The following FLRT2 variants were observed in gnomAD, a reference collection of about 807,000 sequenced individuals.
FLRT2 encodes the protein fibronectin leucine rich transmembrane protein 2, also known as leucine-rich repeat transmembrane protein FLRT2.
Under a neutral mutation model 40.0 loss-of-function variants are expected in FLRT2, and 15 were observed. The ratio of observed to expected loss-of-function variants is 0.38; its 90% CI spans 0.25 to 0.58. The LOEUF (loss-of-function observed/expected upper bound fraction) is 0.58, where lower values mean the gene tolerates loss of function less well. Ranked by LOEUF, FLRT2 falls within the 20% of genes least tolerant of loss-of-function variation. The probability of loss-of-function intolerance (pLI) is 0.71; values close to 1 mark genes in which losing one functional copy is unlikely to be tolerated. For synonymous variants in FLRT2, 380 were observed against 336.8 expected, an observed-to-expected ratio of 1.13 and a Z score of -1.41; for missense variants, 726 against 840.0, an observed-to-expected ratio of 0.86 and a Z score of 1.68.
At chr14:85,576,612 G>A (rs1252940784) in intron 1 of FLRT2, among the ~76,000 whole-genome samples, 2 of 152,142 alleles carry the variant, frequency 1.3e-5, no homozygotes, top group Non-Finnish European at 2.9e-5. Flanking sequence ...TTCAATTTCC[G>A]AAAATCTAAT....
At chr14:85,599,219 C>CTTTT (rs67876387) in intron 1 of FLRT2, among the ~76,000 whole-genome samples, 1 of 129,332 alleles carries the variant, frequency 7.7e-6, no homozygotes, top group Non-Finnish European at 1.6e-5. Context: ...TGCGCCTGGC[C>CTTTT]TTTTTTTTTT....
intron 1 of FLRT2, among the ~76,000 whole-genome samples, chr14:85,582,331 C>G (rs1215379666): frequency 6.6e-6 from 1 of 152,152 alleles, no homozygotes; most frequent in Non-Finnish European, 1.5e-5. Flanking sequence ...TGACGGAAAG[C>G]TTGAATGGAG....
At chr14:85,566,618 T>C (rs368598399) in intron 1 of FLRT2, among the ~76,000 whole-genome samples, 3 of 150,608 alleles carry the variant, frequency 2.0e-5, no homozygotes, top group Admixed American at 6.7e-5. Flanking sequence ...GAAAGCACTT[T>C]GGAAAATGCA....
rs757793299 is a variant in FLRT2, at chr14:85,645,572, A to G, written c.*22075A>G. The G allele has an allele frequency of 6.6e-5, 10 of 152,284 alleles. No individual in the cohort carries two copies. Among genetic ancestry groups the G allele is most frequent in the Non-Finnish European group, 1.2e-4 (8 of 68,018 alleles). 9.4% of individuals were successfully genotyped at this position (152,284 alleles called of 1,614,324 possible). On this transcript the variant is annotated 3_prime_UTR_variant, in exon 2 of 2. Coordinates refer to ENST00000330753, the MANE Select transcript of FLRT2 (RefSeq NM_013231.6). The stretch of plus-strand genomic sequence containing the variant: ...GATACAATTTGGATCATTGGTAATA[A>G]GGAGACTTAGGGAAGAAATACGTGT...
At position 85,651,925 on chromosome 14, in the gene FLRT2, T is replaced by C. The variant is rs1359073283; in HGVS notation, c.*28428T>C. 1 of 152,122 alleles carries C rather than the reference T, an allele frequency of 6.6e-6. No homozygotes were observed. The highest frequency in any genetic ancestry group is 1.5e-5 in the Non-Finnish European group (1 of 67,976). The allele number at this position is 152,122 out of a possible 1,614,324, so 9.4% of individuals were successfully genotyped here. A position where few individuals can be genotyped will look rare whatever the true frequency, so the allele number is the denominator to read the frequency against. On this transcript the variant is annotated 3_prime_UTR_variant, in exon 2 of 2. Transcript: ENST00000330753. ...ATTTCAAACATATTATTGGTCATCA[T>C]CACCTGCCTATTAAATATGCTTTCC... is the stretch of plus-strand genomic sequence containing the variant.
rs1269601868 is a variant in FLRT2, at chr14:85,534,020, T to C, written c.-377+3486T>C. 2.0e-5 allele frequency among the ~76,000 whole-genome samples: 3 copies of C among 152,112 alleles called. No individual in the cohort carries two copies. In the East Asian group the frequency reaches 5.8e-4, roughly 29 times the overall value. On this transcript the variant is annotated intron_variant, in intron 1 of 1. Transcript: ENST00000330753. ...TAACGCGCGCCCCCAACCCTCTTCT[T>C]CCATGCCCCGCCGCTGCGCTCCCGC...
rs1034552380 is a variant in FLRT2 at position 85,643,007 on chromosome 14, C to T, written c.*19510C>T. 5 of 152,168 alleles carry T rather than the reference C, an allele frequency of 3.3e-5. No individual in the cohort carries two copies. The highest frequency in any genetic ancestry group is 1.2e-4 in the African/African-American group (5 of 41,440). The allele number at this position is 152,168 out of a possible 1,614,324, so 9.4% of individuals were successfully genotyped here. A position where few individuals can be genotyped will look rare whatever the true frequency, so the allele number is the denominator to read the frequency against. ...AGATCTGGTGTCTGGTGATGCTCCT[C>T]TTTTTGAGTTGTAAACAACTGCCCT... On this transcript the variant is annotated 3_prime_UTR_variant, in exon 2 of 2. Coordinates refer to ENST00000330753, the MANE Select transcript of FLRT2 (RefSeq NM_013231.6).
chr14:85,554,152 C>T (rs1359388501), intron 1 of FLRT2, among the ~76,000 whole-genome samples: 2 of 152,058 alleles, frequency 1.3e-5, no homozygotes, highest in Non-Finnish European at 2.9e-5. Flanking sequence ...GGACACTACC[C>T]GTATTTAAGT....
At position 85,647,922 on chromosome 14, in the gene FLRT2, T is replaced by A. The variant is rs938251629; in HGVS notation, c.*24425T>A. On this transcript the variant is annotated 3_prime_UTR_variant, in exon 2 of 2. Coordinates refer to ENST00000330753, the MANE Select transcript of FLRT2 (RefSeq NM_013231.6). ...AGTGTCATAAACAACTGTGATCTTA[T>A]GGCCAGTTGCAGAGTAAGAAATTAA... 3 of 152,186 alleles carry A rather than the reference T, an allele frequency of 2.0e-5. No homozygotes were observed. The highest frequency in any genetic ancestry group is 4.4e-5 in the Non-Finnish European group (3 of 68,038). 9.4% of individuals were successfully genotyped at this position (152,186 alleles called of 1,614,324 possible).
chr14:85,590,088 A>G (rs1382385500), intron 1 of FLRT2, among the ~76,000 whole-genome samples: 1 of 150,672 alleles, frequency 6.6e-6, no homozygotes, highest in Non-Finnish European at 1.5e-5. Flanking sequence ...ATAACATTAT[A>G]GACCTTTTGA....
At chr14:85,554,172 G>T (rs992376033) in intron 1 of FLRT2, among the ~76,000 whole-genome samples, 1 of 152,090 alleles carries the variant, frequency 6.6e-6, no homozygotes, top group Non-Finnish European at 1.5e-5. Context: ...TTAAAAAAAA[G>T]GATTCATGAG....
rs1893881854 is a variant in FLRT2 at position 85,631,832 on chromosome 14, T to C, written c.*8335T>C. On this transcript the variant is annotated 3_prime_UTR_variant, in exon 2 of 2. Coordinates refer to ENST00000330753, the MANE Select transcript of FLRT2 (RefSeq NM_013231.6). ...GAAGAACATCTTTTTATTTTATTTA[T>C]TTATTTTTTTTTGAGTTGGAGTCTC... 1 of 152,092 alleles carries C rather than the reference T, an allele frequency of 6.6e-6. No individual in the cohort carries two copies. Among genetic ancestry groups the C allele is most frequent in the Admixed American group, 6.5e-5 (1 of 15,274 alleles). The allele number at this position is 152,092 out of a possible 1,614,324, so 9.4% of individuals were successfully genotyped here.
chr14:85,546,073 T>C (rs987695255), intron 1 of FLRT2, among the ~76,000 whole-genome samples: 5 of 152,230 alleles, frequency 3.3e-5, no homozygotes, highest in Admixed American at 6.5e-5. Context: ...TTGTTCCACA[T>C]TGATGAATGG....
chr14:85,555,971 G>A (rs952981557), intron 1 of FLRT2, among the ~76,000 whole-genome samples: 10 of 152,172 alleles, frequency 6.6e-5, no homozygotes, highest in African/African-American at 2.4e-4. Context: ...GCATTAAGAC[G>A]TATACATGTT....
At chr14:85,547,247 G>A (rs1012117687) in intron 1 of FLRT2, among the ~76,000 whole-genome samples, 5 of 151,714 alleles carry the variant, frequency 3.3e-5, no homozygotes, top group African/African-American at 1.2e-4. Context: ...TTTAGGATGT[G>A]TCCCCATTTT....
At position 85,598,966 on chromosome 14, in the gene FLRT2, G is replaced by A. The variant is rs560114957; in HGVS notation, c.-376-22173G>A. Among the ~76,000 whole-genome samples the A allele has an allele frequency of 2.7e-3, 362 of 135,896 alleles. 3 individuals are homozygous for A. The highest frequency in any genetic ancestry group is 1.2e-3 in the Non-Finnish European group (79 of 65,806). The allele number at this position is 135,896 out of a possible 152,430, so 89.2% of individuals were successfully genotyped here. ...GGAGTCTCGCTCTGTCGCCCAGGCT[G>A]GAGTGCAGTGGCACAGTCTTGGCTC... On this transcript the variant is annotated intron_variant, in intron 1 of 1. Coordinates refer to ENST00000330753, the MANE Select transcript of FLRT2 (RefSeq NM_013231.6).
At chr14:85,565,789 G>A (rs1377486127) in intron 1 of FLRT2, among the ~76,000 whole-genome samples, 1 of 152,160 alleles carries the variant, frequency 6.6e-6, no homozygotes, top group Non-Finnish European at 1.5e-5. Flanking sequence ...ATGTGACACT[G>A]ATAACTTCAT....
chr14:85,622,636 A>G lies in FLRT2; in HGVS notation c.1122A>G (p.Pro374=), dbSNP rs754509870. The change falls in exon 2 of 2, where the codon CCA becomes CCG. Residue 374 remains proline (P), a synonymous_variant. Coordinates refer to ENST00000330753, the MANE Select transcript of FLRT2 (RefSeq NM_013231.6). ...TPGLPLFTPA[P]STASPTTQPP... is the part of the protein sequence containing the mutation. ...GCCTGCCTCTCTTCACCCCAGCCCC[A>G]AGTACAGCTTCTCCGACCACTCAGC... The G allele has an allele frequency of 1.9e-6, 3 of 1,613,734 alleles. No individual in the cohort carries two copies. Among genetic ancestry groups the G allele is most frequent in the South Asian group, 1.1e-5 (1 of 91,066 alleles).
intron 1 of FLRT2, among the ~76,000 whole-genome samples, chr14:85,570,169 A>T (rs1039870142): frequency 1.3e-5 from 2 of 152,182 alleles, no homozygotes; most frequent in Non-Finnish European, 2.9e-5. Context: ...TCCTTTGAAA[A>T]TGTTCTCTGG....
Sources: allele counts gnomAD v4.1 joint callset (sites outside exome capture counted in the v4.1 genomes callset), GRCh38; gene constraint gnomAD v4.1.1; transcripts MANE v1.5; gene names NCBI Gene and HGNC (gene_info 2026-07-23, HGNC 2026-07-21).